The following INPP4A variants were observed in gnomAD, a reference collection of about 807,000 sequenced individuals.
INPP4A encodes inositol polyphosphate-4-phosphatase type I A.
A neutral mutation model predicts 119.8 loss-of-function variants in INPP4A; 33 were observed. The ratio of observed to expected loss-of-function variants is 0.28; its 90% confidence interval spans 0.21 to 0.37. The LOEUF is 0.37. INPP4A is among the 10% of genes least tolerant of loss of function. The pLI is 1.00. For missense variants in INPP4A, 956 were observed against 1,289.9 expected (o/e 0.74, Z 3.97); for synonymous variants, 496 against 500.7 (o/e 0.99, Z 0.12).
intron 1 of INPP4A, among the ~76,000 whole-genome samples, chr2:98,501,739 C>T (rs1223812754): frequency 6.6e-6 from 1 of 152,216 alleles, no homozygotes; most frequent in Admixed American, 6.5e-5. Context: ...TGGCAGGGGG[C>T]ACTGAAGTGC....
intron 1 of INPP4A, among the ~76,000 whole-genome samples, chr2:98,456,040 C>G (rs376706126): frequency 1.3e-5 from 2 of 152,284 alleles, no homozygotes; most frequent in Admixed American, 1.3e-4. Flanking sequence ...TAAGTCCAGC[C>G]CTTGTCATTT....
At chr2:98,520,230 GC>G in intron 3 of INPP4A, 76 bp downstream of exon 3, 1 of 1,118,078 alleles carries the variant, frequency 8.9e-7, no homozygotes, top group Non-Finnish European at 1.3e-6. Context: ...AGCAGTGCTG[GC>G]AGGTACCCAA....
chr2:98,456,411 T>C (rs1190828832), intron 1 of INPP4A, among the ~76,000 whole-genome samples: 1 of 152,222 alleles, frequency 6.6e-6, no homozygotes, highest in South Asian at 2.1e-4. Flanking sequence ...CATAGCTCAC[T>C]GTAGCCTTGA....
At position 98,537,751 on chromosome 2, in the gene INPP4A, C is replaced by T. The variant is rs551973801; in HGVS notation, c.468-112C>T. 330 of 745,118 alleles carry T rather than the reference C, an allele frequency of 4.4e-4. 3 individuals are homozygous for T. Among genetic ancestry groups the T allele is most frequent in the South Asian group, 2.6e-3 (167 of 64,418 alleles). 46.2% of individuals were successfully genotyped at this position (745,118 alleles called of 1,614,324 possible). ...ATGCTGACTGACTGGTCAGTCAGCT[C>T]GGCCCTGCTGCCCCCAGGACCCTGA... is the stretch of plus-strand genomic sequence containing the variant. On this transcript the variant is annotated intron_variant, in intron 7 of 24. Transcript: ENST00000409851.
intron 16 of INPP4A, 117 bp from the exon 17 acceptor site, chr2:98,559,341 TTTCTG>T: frequency 1.8e-6 from 2 of 1,111,056 alleles, no homozygotes; most frequent in Non-Finnish European, 1.4e-6. Context: ...CCAGACCTCT[TTTCTG>T]TTTGTTAGCC....
chr2:98,587,007 A>C (rs1700025303), intron 24 of INPP4A, among the ~76,000 whole-genome samples: 1 of 152,238 alleles, frequency 6.6e-6, no homozygotes, highest in Non-Finnish European at 1.5e-5. Flanking sequence ...TCTGCAAGGA[A>C]AGTCAGCATT....
Position 98,589,516 on chromosome 2 carries a change from A to G in INPP4A, c.*1908A>G, listed in dbSNP as rs1700236528. 5.5e-6 allele frequency: 1 copy of G among 180,978 alleles called. No individual in the cohort carries two copies. Among genetic ancestry groups the G allele is most frequent in the Non-Finnish European group, 1.2e-5 (1 of 84,644 alleles). The allele number at this position is 180,978 out of a possible 1,614,324, so 11.2% of individuals were successfully genotyped here. ...AAAGGGAATATAGCAAATGTTGATC[A>G]TCTGTCAGCAGTTTTGCATGTGACA... is the stretch of plus-strand genomic sequence containing the variant. On this transcript the variant is annotated 3_prime_UTR_variant, in exon 25 of 25. Transcript: ENST00000409851.
At chr2:98,478,331 G>T (rs1235353209) in intron 1 of INPP4A, among the ~76,000 whole-genome samples, 2 of 152,186 alleles carry the variant, frequency 1.3e-5, no homozygotes, top group Non-Finnish European at 2.9e-5. Context: ...GAGGATTCCT[G>T]TCGCTTGGGA....
chr2:98,500,478 A>G (rs1682901969), intron 1 of INPP4A, among the ~76,000 whole-genome samples: 2 of 152,198 alleles, frequency 1.3e-5, no homozygotes, highest in Non-Finnish European at 2.9e-5. Flanking sequence ...TTGTGAAAAC[A>G]TATGAATAAA....
At chr2:98,486,687 G>T (rs191460525) in intron 1 of INPP4A, among the ~76,000 whole-genome samples, 5 of 152,328 alleles carry the variant, frequency 3.3e-5, no homozygotes, top group Non-Finnish European at 5.9e-5. Context: ...TTCTTAGAAG[G>T]CCAGATTACA....
intron 10 of INPP4A, 106 bp downstream of exon 10, chr2:98,539,781 A>G (rs1691045786): frequency 8.9e-7 from 1 of 1,122,874 alleles, no homozygotes; most frequent in South Asian, 1.7e-5. Flanking sequence ...ACTGGACTGC[A>G]AACACAGCCT....
At chr2:98,448,706 TCTC>T (rs150942286) in intron 1 of INPP4A, among the ~76,000 whole-genome samples, 30,110 of 140,086 alleles carry the variant, frequency 0.21, 3,376 homozygotes, top group Middle Eastern at 0.33. Context: ...TCTCTCTCTC[TCTC>T]TTTTTTTTTT....
chr2:98,579,079 A>G (rs1343452267), intron 24 of INPP4A, among the ~76,000 whole-genome samples: 1 of 150,634 alleles, frequency 6.6e-6, no homozygotes, highest in Non-Finnish European at 1.5e-5. Context: ...TTGAGATGGA[A>G]TCTTGCTCTG....
chr2:98,505,246 G>C (rs1365068323), intron 1 of INPP4A, among the ~76,000 whole-genome samples: 1 of 152,232 alleles, frequency 6.6e-6, no homozygotes, highest in African/African-American at 2.4e-5. Flanking sequence ...CTAGGAGGTG[G>C]CATGGATGCC....
At chr2:98,568,714 T>G (rs116654270) in intron 22 of INPP4A, 46 bp downstream of exon 22, 15,611 of 1,088,664 alleles carry the variant, frequency 0.014, 157 homozygotes, top group South Asian at 0.023. Flanking sequence ...CTCGTCTTTT[T>G]ATCAGTTTAG....
chr2:98,486,639 G>C (rs1267993953), intron 1 of INPP4A, among the ~76,000 whole-genome samples: 1 of 147,700 alleles, frequency 6.8e-6, no homozygotes, highest in African/African-American at 2.6e-5. Flanking sequence ...CTGGATTTTT[G>C]CATACAGGTT....
rs1261976383 is a variant in INPP4A at position 98,588,731 on chromosome 2, G to A, written c.*1123G>A. The A allele has an allele frequency of 4.5e-6, 1 of 221,980 alleles. No individual in the cohort carries two copies. The highest frequency in any genetic ancestry group is 9.0e-6 in the Non-Finnish European group (1 of 111,248). 13.8% of individuals were successfully genotyped at this position (221,980 alleles called of 1,614,324 possible). A position where few individuals can be genotyped will look rare whatever the true frequency, so the allele number is the denominator to read the frequency against. ...GGAATTTCATAGAAAATTTTGTCTGGTCATCTTTTATAAGATGATGATGAG... is the reference window on the plus strand; with the variant it reads ...GGAATTTCATAGAAAATTTTGTCTGATCATCTTTTATAAGATGATGATGAG... On this transcript the variant is annotated 3_prime_UTR_variant, in exon 25 of 25. Transcript: ENST00000409851.
At chr2:98,572,972 G>T (rs552609492) in intron 23 of INPP4A, 45 bp downstream of exon 23, 1 of 1,349,206 alleles carries the variant, frequency 7.4e-7, no homozygotes, top group Non-Finnish European at 1.0e-6. Context: ...GGTGCCCACA[G>T]CTGAACGTCA....
chr2:98,563,758 C>A, intron 18 of INPP4A, 121 bp downstream of exon 18: 1 of 933,186 alleles, frequency 1.1e-6, no homozygotes, highest in Non-Finnish European at 1.6e-6. Context: ...ATATTTCCTC[C>A]TGGTGGTGCT....
Sources: gnomAD v4.1 joint callset for allele counts (sites outside exome capture counted in the v4.1 genomes callset) on GRCh38, gnomAD v4.1.1 for gene constraint, MANE v1.5 for transcripts, NCBI Gene and HGNC (gene_info 2026-07-23, HGNC 2026-07-21) for gene names.